The following COL5A3 variants were observed in gnomAD, a reference collection of about 807,000 sequenced individuals.
The protein encoded by COL5A3 is collagen alpha-3(V) chain.
In COL5A3, 172 loss-of-function variants were observed where a neutral mutation model predicts 250.0. That is an observed-to-expected ratio of 0.69 (90% CI 0.61 to 0.78). The LOEUF (loss-of-function observed/expected upper bound fraction) is 0.78, where lower values mean the gene tolerates loss of function less well. COL5A3 is among the 30% of genes least tolerant of loss of function. COL5A3 has a pLI of 0.00. For synonymous variants in COL5A3, 937 were observed against 900.4 expected (o/e 1.04, Z -0.73); for missense variants, 2,340 against 2,334.4 (o/e 1.00, Z -0.05).
rs747006692 is a variant in COL5A3 at position 9,977,276 on chromosome 19, C to T, written c.3241G>A (p.Val1081Met). Residue 1081 changes from valine (V) to methionine (M), a missense_variant, in exon 44 of 67, where the codon GTG becomes ATG. Coordinates refer to ENST00000264828, the MANE Select transcript of COL5A3 (RefSeq NM_015719.4). The part of the protein sequence containing the change: ...PSGEEGDKGD[V>M]GAPGHKGSKG... ...CTCCCCTTGTGTCCGGGGGCACCCA[C>T]ATCCCCCTGCAGAGGAAATGGGATG... 3 of 1,614,044 alleles carry T rather than the reference C, an allele frequency of 1.9e-6. No homozygotes were observed. The highest frequency in any genetic ancestry group is 1.7e-6 in the Non-Finnish European group (2 of 1,180,008).
At chr19:9,972,224 C>T (rs1463232509) in intron 51 of COL5A3, among the ~76,000 whole-genome samples, 1 of 152,258 alleles carries the variant, frequency 6.6e-6, no homozygotes, top group Non-Finnish European at 1.5e-5. Context: ...TATTCATTCA[C>T]ATATTCATAT....
Position 9,966,970 on chromosome 19 carries a change from A to G in COL5A3, c.4459-224T>C, listed in dbSNP as rs116979152. 8.5e-5 allele frequency among the ~76,000 whole-genome samples: 13 copies of G among 152,266 alleles called. No homozygotes were observed. In the East Asian group the frequency reaches 1.7e-3, roughly 20 times the overall value. On this transcript the variant is annotated intron_variant, in intron 62 of 66. Transcript: ENST00000264828. ...CAGAGATGGGGAGAAGCCAAGTTGT[A>G]AGAGGACAAAAGAGAAAGCGCAAGA...
rs1344551488 is a variant in COL5A3, at chr19:9,980,790, C to T, written c.2559+16G>A. 1 of 1,613,056 alleles carries T rather than the reference C, an allele frequency of 6.2e-7. No homozygotes were observed. On this transcript the variant is annotated intron_variant, in intron 34 of 66. Coordinates refer to ENST00000264828, the MANE Select transcript of COL5A3 (RefSeq NM_015719.4). ...CCTGGGGCATGGGGGGCCTTGATTG[C>T]CCACCCATCCCATACCTTGGGGCCT...
rs2086897314 is a variant in COL5A3, at chr19:9,974,798, T to A, written c.3343-390A>T. On this transcript the variant is annotated intron_variant, in intron 45 of 66. Transcript: ENST00000264828. Reference sequence around the variant, plus strand: ...AGGATAGGGCCGTATGTTCCTATTGTATGGTAATAAACAAAAAAGGACAGG... The same window carrying A: ...AGGATAGGGCCGTATGTTCCTATTGAATGGTAATAAACAAAAAAGGACAGG... Among the ~76,000 whole-genome samples, 3 of 152,004 alleles carry A rather than the reference T, an allele frequency of 2.0e-5. No individual in the cohort carries two copies. In the South Asian group the frequency reaches 6.2e-4, roughly 32 times the overall value.
intron 56 of COL5A3, 73 bp downstream of exon 56, chr19:9,969,502 T>C (rs2145062152): frequency 2.5e-6 from 4 of 1,593,860 alleles, no homozygotes; most frequent in Non-Finnish European, 3.4e-6. Flanking sequence ...CAAACGGTGA[T>C]GGGATCACAA....
chr19:9,983,598 AAG>A (rs1205377440), intron 31 of COL5A3, among the ~76,000 whole-genome samples: 7,303 of 84,450 alleles, frequency 0.086, 648 homozygotes, highest in African/African-American at 0.12. Flanking sequence ...GAAAGAAAGA[AAG>A]AGAAAGAGAG....
chr19:9,970,413 G>C, intron 54 of COL5A3, among the ~76,000 whole-genome samples: 1 of 95,176 alleles, frequency 1.1e-5, no homozygotes, highest in East Asian at 3.2e-4. Flanking sequence ...TGTGGGGTGA[G>C]TGGGGGCTGT....
In COL5A3 at chr19:9,996,251, T is replaced by G. The variant is rs201101805; in HGVS notation, c.1434A>C (p.Lys478Asn). 13 of 1,573,400 alleles carry G rather than the reference T, an allele frequency of 8.3e-6. No individual in the cohort carries two copies. The East Asian group carries it at 2.9e-4, about 35-fold the overall frequency. Residue 478 changes from lysine (K) to asparagine (N), a missense_variant, in exon 14 of 67, where the codon AAA becomes AAC. Transcript: ENST00000264828. The part of the protein sequence containing the change: ...AVLQQTQLSM[K>N]GPPGPVGLTG... ...TGAGCCCCACTGGACCAGGGGGGCC[T>G]TTCATAGAGAGCTGGAAAGACAGAG...
chr19:9,976,836 C>A (rs992716875), intron 44 of COL5A3, among the ~76,000 whole-genome samples: 1 of 152,108 alleles, frequency 6.6e-6, no homozygotes, highest in African/African-American at 2.4e-5. Context: ...CACCAAGACC[C>A]AGGGACGAAG....
chr19:9,960,967 C>T, intron 65 of COL5A3, 77 bp from the exon 66 acceptor site: 1 of 1,545,766 alleles, frequency 6.5e-7, no homozygotes, highest in African/African-American at 1.4e-5. Context: ...CTGGAATCTC[C>T]ATCCACTGGC....
chr19:9,974,299 A>ACAGTTAACT lies in COL5A3; in HGVS notation c.3450+1_3450+2insAGTTAACTG. On this transcript the variant is annotated splice_donor_variant, in intron 46 of 66. Transcript: ENST00000264828. LOFTEE classifies it high-confidence loss of function. ...GTGCCACCCCCAAACCCAGACACCC[A>ACAGTTAACT]CCTGCAGTCCAGGAGGGCCAATCAC... 6.2e-7 allele frequency: 1 copy of ACAGTTAACT among 1,609,800 alleles called. No homozygotes were observed. The highest frequency in any genetic ancestry group is 8.5e-7 in the Non-Finnish European group (1 of 1,177,772).
At chr19:9,963,013 G>T in intron 64 of COL5A3, 126 bp from the exon 65 acceptor site, 2 of 708,616 alleles carry the variant, frequency 2.8e-6, no homozygotes, top group Non-Finnish European at 2.4e-6. Flanking sequence ...CTTCTGGGAT[G>T]GACGAGCTCT....
At chr19:9,981,669 G>A (rs545104605) in intron 32 of COL5A3, among the ~76,000 whole-genome samples, 1 of 152,216 alleles carries the variant, frequency 6.6e-6, no homozygotes, top group East Asian at 1.9e-4. Flanking sequence ...CCATCACTCA[G>A]TGTGCACAGA....
Position 9,996,620 on chromosome 19 carries a change from T to C in COL5A3, c.1333A>G (p.Met445Val). 1 of 1,613,844 alleles carries C rather than the reference T, an allele frequency of 6.2e-7. No individual in the cohort carries two copies. Among genetic ancestry groups the C allele is most frequent in the Non-Finnish European group, 8.5e-7 (1 of 1,179,938 alleles). The change falls in exon 12 of 67, where the codon ATG (methionine) becomes GTG (valine). Residue 445 changes from methionine (M) to valine (V), a missense_variant. This residue lies in a region of COL5A3 where 1,152 missense variants were observed against 1,146.3 expected (regional missense o/e 1.00). Coordinates refer to ENST00000264828, the MANE Select transcript of COL5A3 (RefSeq NM_015719.4). ...CCACTCCATCTCCTTCTTACCGGCA[T>C]CATGATCACAGTGCCCGGTGGGCCT... is the stretch of plus-strand genomic sequence containing the variant. ...IRGPPGTVIM[M>V]PFQFAGGSFK...
At chr19:9,993,532 C>T in intron 18 of COL5A3, 87 bp downstream of exon 18, 1 of 1,579,656 alleles carries the variant, frequency 6.3e-7, no homozygotes, top group Non-Finnish European at 8.7e-7. Context: ...ACACAGGGAT[C>T]ATGACTCTGA....
Position 9,991,989 on chromosome 19 carries a change from G to T in COL5A3, c.1893+15C>A, listed in dbSNP as rs754493665. 3.1e-6 allele frequency: 5 copies of T among 1,609,386 alleles called. No individual in the cohort carries two copies. Among genetic ancestry groups the T allele is most frequent in the Non-Finnish European group, 4.3e-6 (5 of 1,175,848 alleles). ...TGTCAGAAGGGTCAGAGGTCAAAGG[G>T]CACAGGGCACATACCACATTGCCTT... On this transcript the variant is annotated intron_variant, in intron 22 of 66. Transcript: ENST00000264828.
chr19:9,960,616 C>A, intron 66 of COL5A3, 35 bp downstream of exon 66: 1 of 1,613,598 alleles, frequency 6.2e-7, no homozygotes, highest in Non-Finnish European at 8.5e-7. Flanking sequence ...CATCTTGCCT[C>A]CCCTCTCTAG....
rs766189915 is a variant in COL5A3, at chr19:10,003,653, T to G, written c.761A>C (p.Lys254Thr). The G allele has an allele frequency of 1.2e-6, 2 of 1,614,176 alleles. No homozygotes were observed. The highest frequency in any genetic ancestry group is 3.3e-5 in the Admixed American group (2 of 60,018). ...CTTCCCCTTGCGACCTCGCCCTTTCTTCCTCCCTTTTCCCTTCCCCTTCCG... is the reference window on the plus strand; with the variant it reads ...CTTCCCCTTGCGACCTCGCCCTTTCGTCCTCCCTTTTCCCTTCCCCTTCCG... ...PRRKGKGKGRKKGRGRKGKGR... is the reference protein window; with the variant it reads ...PRRKGKGKGRTKGRGRKGKGR... The change falls in exon 6 of 67, where the codon AAG becomes ACG. Residue 254 changes from lysine to threonine, a missense_variant. Coordinates refer to ENST00000264828, the MANE Select transcript of COL5A3 (RefSeq NM_015719.4).
chr19:9,968,180 C>G lies in COL5A3; in HGVS notation c.4315-101G>C. 2 of 1,209,126 alleles carry G rather than the reference C, an allele frequency of 1.7e-6. No individual in the cohort carries two copies. The highest frequency in any genetic ancestry group is 2.3e-6 in the Non-Finnish European group (2 of 854,512). 74.9% of individuals were successfully genotyped at this position (1,209,126 alleles called of 1,614,324 possible). On this transcript the variant is annotated intron_variant, in intron 59 of 66. Transcript: ENST00000264828. The surrounding 1 kb of genome is among the most constrained non-coding windows in gnomAD (Gnocchi z 4.1). ...ATCCTACCAAAGGAAGACCCCGAAC[C>G]CTAGACAAGCCTCCAGTTCCCCCAC... is the stretch of plus-strand genomic sequence containing the variant.
Sources: gnomAD v4.1 joint callset for allele counts (sites outside exome capture counted in the v4.1 genomes callset) on GRCh38, gnomAD v4.1.1 for gene constraint, gnomAD v4.1.1 regional missense constraint, Gnocchi (gnomAD v3.1) non-coding constraint, MANE v1.5 for transcripts, NCBI Gene and HGNC (gene_info 2026-07-23, HGNC 2026-07-21) for gene names.